Variants in RAB8B observed in about 807,000 individuals in gnomAD.
RAB8B encodes the protein ras-related protein Rab-8B.
Under a neutral mutation model 32.0 loss-of-function variants are expected in RAB8B, and 11 were observed. That is an observed-to-expected ratio of 0.34 (90% CI 0.22 to 0.57). The LOEUF is 0.57. Among genes scored for constraint, RAB8B ranks in the 20% least tolerant of loss-of-function variants. The pLI, the probability that RAB8B is intolerant of heterozygous loss-of-function variation, is 0.86. For missense variants in RAB8B, 190 were observed against 258.5 expected (o/e 0.73, Z 1.82); for synonymous variants, 103 against 89.6 (o/e 1.15, Z -0.85).
At chr15:63,235,456 A>G (rs1315506775) in intron 1 of RAB8B, among the ~76,000 whole-genome samples, 1 of 152,142 alleles carries the variant, frequency 6.6e-6, no homozygotes, top group Non-Finnish European at 1.5e-5. Flanking sequence ...AAAAACTTTT[A>G]GACCTATTAA....
chr15:63,238,808 A>G (rs1292481880), intron 1 of RAB8B, among the ~76,000 whole-genome samples: 1 of 152,216 alleles, frequency 6.6e-6, no homozygotes, highest in Non-Finnish European at 1.5e-5. Context: ...AGATTAATCC[A>G]ATCTTGGTAA....
chr15:63,192,466 G>T (rs2037564383), intron 1 of RAB8B, among the ~76,000 whole-genome samples: 1 of 152,162 alleles, frequency 6.6e-6, no homozygotes, highest in Non-Finnish European at 1.5e-5. Context: ...GTAAGTTCCT[G>T]TGCTTTTCTG....
chr15:63,230,548 C>T (rs891110677), intron 1 of RAB8B, among the ~76,000 whole-genome samples: 3 of 152,170 alleles, frequency 2.0e-5, no homozygotes, highest in Non-Finnish European at 4.4e-5. Flanking sequence ...GTGATCCGCC[C>T]GCCTGGACTT....
intron 1 of RAB8B, among the ~76,000 whole-genome samples, chr15:63,209,452 G>C (rs562736711): frequency 6.6e-6 from 1 of 151,906 alleles, no homozygotes; most frequent in Admixed American, 6.6e-5. Context: ...TTAGCCAAGC[G>C]TAGTGGCAGG....
Position 63,265,780 on chromosome 15 carries a change from ATTTCTTC to A in RAB8B, c.*2172_*2178del, listed in dbSNP as rs1162026938. The A allele has an allele frequency of 6.6e-6, 1 of 151,978 alleles. No homozygotes were observed. Among genetic ancestry groups the A allele is most frequent in the African/African-American group, 2.4e-5 (1 of 41,240 alleles). The allele number at this position is 151,978 out of a possible 1,614,324, so 9.4% of individuals were successfully genotyped here. ...TAACAGAATGCTTTGCTTTGGTTAT[ATTTCTTC>A]TTTCTTCTTTTGTCTTATATGGATT... On this transcript the variant is annotated 3_prime_UTR_variant, in exon 8 of 8. Coordinates refer to ENST00000321437, the MANE Select transcript of RAB8B (RefSeq NM_016530.3). The surrounding 1 kb of genome is among the most constrained non-coding windows in gnomAD (Gnocchi z 4.9).
chr15:63,249,800 T>G, intron 3 of RAB8B, 95 bp downstream of exon 3: 1 of 1,305,304 alleles, frequency 7.7e-7, no homozygotes. Context: ...GAGTCTAGTA[T>G]GTAGAAAAAT....
At position 63,191,779 on chromosome 15, in the gene RAB8B, G is replaced by T. The variant is rs543184415; in HGVS notation, c.124+2031G>T. On this transcript the variant is annotated intron_variant, in intron 1 of 7. Transcript: ENST00000321437. ...GCTGTTTTTGTTAAGCTTCTTGGAC[G>T]ACTTGCTTGTTTGTAATAGTTTTAT... is the stretch of plus-strand genomic sequence containing the variant. Among the ~76,000 whole-genome samples, 281 of 152,248 alleles carry T rather than the reference G, an allele frequency of 1.8e-3. 2 individuals carry two copies. Among genetic ancestry groups the T allele is most frequent in the Non-Finnish European group, 1.5e-3 (100 of 68,020 alleles).
intron 1 of RAB8B, among the ~76,000 whole-genome samples, chr15:63,206,728 C>A (rs145454580): frequency 6.6e-6 from 1 of 152,142 alleles, no homozygotes; most frequent in African/African-American, 2.4e-5. Context: ...ATAGGATATC[C>A]CATAAACTCG....
chr15:63,262,625 GTATA>G (rs72363505), intron 6 of RAB8B, 63 bp from the exon 7 acceptor site: 1,250 of 358,206 alleles, frequency 3.5e-3, no homozygotes, highest in Middle Eastern at 5.1e-3. Flanking sequence ...ATATATATGT[GTATA>G]TATATATATA....
intron 1 of RAB8B, among the ~76,000 whole-genome samples, chr15:63,195,061 C>T (rs887968307): frequency 1.3e-5 from 2 of 152,302 alleles, no homozygotes; most frequent in East Asian, 1.9e-4. Flanking sequence ...AATCCAGATA[C>T]GTAGAGCAAG....
chr15:63,202,605 G>T (rs2037662570), intron 1 of RAB8B, among the ~76,000 whole-genome samples: 1 of 152,226 alleles, frequency 6.6e-6, no homozygotes, highest in Admixed American at 6.5e-5. Flanking sequence ...TCCACATGGG[G>T]ACTGTTGGTT....
At chr15:63,233,082 T>C (rs11071736) in intron 1 of RAB8B, among the ~76,000 whole-genome samples, 145,415 of 147,114 alleles carry the variant, frequency 0.99, 71,892 homozygotes, top group East Asian at 1. Flanking sequence ...TTGTTGAGAA[T>C]AGTCTCATGG....
In RAB8B at chr15:63,259,464, A is replaced by T. The variant is rs966857163; in HGVS notation, c.415-163A>T. ...CTTCTTACGATGATTAAGTTAAATT[A>T]TTAAATTCTGAATACAGTAGAAGAA... On this transcript the variant is annotated intron_variant, in intron 5 of 7. Coordinates refer to ENST00000321437, the MANE Select transcript of RAB8B (RefSeq NM_016530.3). This position sits in a 1 kb window ranked among gnomAD's most constrained non-coding sequence, Gnocchi z 4.4. Among the ~76,000 whole-genome samples, 5 of 152,230 alleles carry T rather than the reference A, an allele frequency of 3.3e-5. No homozygotes were observed. The highest frequency in any genetic ancestry group is 1.2e-4 in the African/African-American group (5 of 41,472).
Position 63,255,503 on chromosome 15 carries a change from A to G in RAB8B, c.247-4A>G, listed in dbSNP as rs780113215. 21 of 1,582,746 alleles carry G rather than the reference A, an allele frequency of 1.3e-5. No individual in the cohort carries two copies. In the East Asian group the frequency reaches 4.5e-4, roughly 34 times the overall value. On this transcript the variant is annotated splice_region_variant and splice_polypyrimidine_tract_variant and intron_variant, in intron 3 of 7. Coordinates refer to ENST00000321437, the MANE Select transcript of RAB8B (RefSeq NM_016530.3). ...CTAAATAAAGATATTTTTCCCCCTTATAGGGCATTATGCTGGTCTATGACA... is the reference window on the plus strand; with the variant it reads ...CTAAATAAAGATATTTTTCCCCCTTGTAGGGCATTATGCTGGTCTATGACA...
rs1555422234 is a variant in RAB8B, at chr15:63,219,025, T to TTTA, written c.125-25729_125-25728insATT. On this transcript the variant is annotated intron_variant, in intron 1 of 7. Coordinates refer to ENST00000321437, the MANE Select transcript of RAB8B (RefSeq NM_016530.3). Reference sequence around the variant, plus strand: ...GTGGATTTTTTTTTTTTTTTTTTTTTTTTTTTTTAGAAGGAAAGAGATCAC... The same window carrying TTTA: ...GTGGATTTTTTTTTTTTTTTTTTTTTTTATTTTTTTTAGAAGGAAAGAGATCAC... Among the ~76,000 whole-genome samples the TTTA allele has an allele frequency of 3.6e-3, 408 of 113,118 alleles. 4 individuals are homozygous for TTTA. Among genetic ancestry groups the TTTA allele is most frequent in the African/African-American group, 0.012 (378 of 31,684 alleles). 74.2% of individuals were successfully genotyped at this position (113,118 alleles called of 152,430 possible). A position where few individuals can be genotyped will look rare whatever the true frequency, so the allele number is the denominator to read the frequency against.
intron 3 of RAB8B, among the ~76,000 whole-genome samples, chr15:63,254,016 G>A (rs2038139585): frequency 6.6e-6 from 1 of 152,196 alleles, no homozygotes; most frequent in Non-Finnish European, 1.5e-5. Flanking sequence ...GTGGTCTCTT[G>A]AGTACCCCAG....
chr15:63,216,106 G>A (rs889399793), intron 1 of RAB8B, among the ~76,000 whole-genome samples: 1 of 151,554 alleles, frequency 6.6e-6, no homozygotes, highest in African/African-American at 2.4e-5. Context: ...ACCATATGAT[G>A]TGTTTTTCTT....
chr15:63,254,319 T>G (rs1429181597), intron 3 of RAB8B, among the ~76,000 whole-genome samples: 1 of 152,160 alleles, frequency 6.6e-6, no homozygotes, highest in Non-Finnish European at 1.5e-5. Flanking sequence ...CCCTAGCATA[T>G]GAGCTCCCCA....
At chr15:63,239,690 G>T (rs2038015954) in intron 1 of RAB8B, among the ~76,000 whole-genome samples, 1 of 152,092 alleles carries the variant, frequency 6.6e-6, no homozygotes, top group Non-Finnish European at 1.5e-5. Context: ...TTACAGGCGT[G>T]AGCCACCGCA....
Sources: gnomAD v4.1 joint callset for allele counts (sites outside exome capture counted in the v4.1 genomes callset) on GRCh38, gnomAD v4.1.1 for gene constraint, Gnocchi (gnomAD v3.1) non-coding constraint, MANE v1.5 for transcripts, NCBI Gene and HGNC (gene_info 2026-07-23, HGNC 2026-07-21) for gene names.